Variants in CLNK observed in about 807,000 individuals in gnomAD.
CLNK encodes the protein cytokine-dependent hematopoietic cell linker.
CLNK carries 74 observed loss-of-function variants against 68.6 expected under a neutral mutation model. The ratio of observed to expected loss-of-function variants is 1.08; its 90% CI spans 0.89 to 1.31. The LOEUF (loss-of-function observed/expected upper bound fraction) is 1.31, where lower values mean the gene tolerates loss of function less well. Among genes scored for constraint, CLNK ranks in the 50% most tolerant of loss-of-function variants. The pLI is 0.00. For synonymous variants in CLNK, 198 were observed against 172.2 expected, an observed-to-expected ratio of 1.15 and a Z score of -1.17; for missense variants, 553 against 515.3, an observed-to-expected ratio of 1.07 and a Z score of -0.71.
chr4:10,541,219 A>C (rs1416710277), intron 10 of CLNK, among the ~76,000 whole-genome samples: 2 of 122,452 alleles, frequency 1.6e-5, no homozygotes, highest in Non-Finnish European at 3.4e-5. Context: ...CTCAAAAAAA[A>C]AACAAAAAAA....
intron 3 of CLNK, among the ~76,000 whole-genome samples, chr4:10,595,257 C>A (rs1261656939): frequency 2.0e-5 from 3 of 152,158 alleles, no homozygotes; most frequent in African/African-American, 7.2e-5. Context: ...AATACGAATG[C>A]CTACTTCAAA....
At chr4:10,607,647 C>A (rs61108164) in intron 2 of CLNK, among the ~76,000 whole-genome samples, 1 of 152,302 alleles carries the variant, frequency 6.6e-6, no homozygotes, top group African/African-American at 2.4e-5. Context: ...AGACAAGCTT[C>A]TATTCTGAAG....
chr4:10,665,776 C>T (rs1372341165), intron 2 of CLNK, among the ~76,000 whole-genome samples: 1 of 152,160 alleles, frequency 6.6e-6, no homozygotes, highest in East Asian at 1.9e-4. Flanking sequence ...CAAAGCCATC[C>T]CACGTTGCCC....
chr4:10,507,918 C>A (rs781312751), intron 17 of CLNK, 41 bp downstream of exon 17: 11 of 1,439,056 alleles, frequency 7.6e-6, no homozygotes, highest in Non-Finnish European at 2.9e-6. Flanking sequence ...CCTTAAGATG[C>A]CTATAGAAAC....
chr4:10,650,562 C>G (rs1406700456), intron 2 of CLNK, among the ~76,000 whole-genome samples: 2 of 151,810 alleles, frequency 1.3e-5, no homozygotes, highest in Non-Finnish European at 2.9e-5. Flanking sequence ...CTGTTGTTTG[C>G]CAAAGGGAAT....
At chr4:10,553,493 C>A (rs1001554093) in intron 8 of CLNK, among the ~76,000 whole-genome samples, 1 of 151,734 alleles carries the variant, frequency 6.6e-6, no homozygotes, top group African/African-American at 2.4e-5. Context: ...GCTCTGTCAC[C>A]CAGGCTGGAG....
intron 11 of CLNK, among the ~76,000 whole-genome samples, chr4:10,535,888 A>C (rs1718743061): frequency 3.3e-5 from 5 of 152,222 alleles, no homozygotes. Flanking sequence ...ATATTGTAAA[A>C]ATCATAATAA....
intron 2 of CLNK, among the ~76,000 whole-genome samples, chr4:10,640,999 G>A (rs1245741200): frequency 6.6e-6 from 1 of 152,156 alleles, no homozygotes; most frequent in Non-Finnish European, 1.5e-5. Flanking sequence ...CTCAACCGCT[G>A]AGCATGTCAG....
chr4:10,575,310 C>T (rs955415380), intron 4 of CLNK, among the ~76,000 whole-genome samples: 22 of 152,226 alleles, frequency 1.4e-4, no homozygotes, highest in Admixed American at 3.9e-4. Flanking sequence ...ACCCAGCTCA[C>T]GCTACTTCAG....
At chr4:10,664,188 C>G (rs1186632879) in intron 2 of CLNK, among the ~76,000 whole-genome samples, 2 of 150,810 alleles carry the variant, frequency 1.3e-5, no homozygotes, top group Non-Finnish European at 2.9e-5. Context: ...CATTATTCCA[C>G]AAAACTGGAT....
Position 10,525,884 on chromosome 4 carries a change from A to G in CLNK, c.688T>C (p.Leu230=). ...NQRKPESTHL[L]ENQNTQEIPL... ...ATCTCTTGAGTATTTTGGTTTTCTA[A>G]CAGATGAGTTGATTCAGGCTTCCTC... Residue 230 remains leucine (L), a synonymous_variant, in exon 14 of 19, where the codon TTA becomes CTA. Coordinates refer to ENST00000226951, the MANE Select transcript of CLNK (RefSeq NM_052964.4). The G allele has an allele frequency of 6.3e-7, 1 of 1,583,322 alleles. No individual in the cohort carries two copies. The highest frequency in any genetic ancestry group is 2.3e-5 in the East Asian group (1 of 44,138).
Position 10,537,637 on chromosome 4 carries a change from C to CTT in CLNK, c.602+2856_602+2857insAA, listed in dbSNP as rs1553848138. Among the ~76,000 whole-genome samples the CTT allele has an allele frequency of 6.1e-3, 466 of 75,900 alleles. 4 individuals carry two copies. Among genetic ancestry groups the CTT allele is most frequent in the East Asian group, 0.017 (45 of 2,668 alleles). The allele number at this position is 75,900 out of a possible 152,430, so 49.8% of individuals were successfully genotyped here. A position where few individuals can be genotyped will look rare whatever the true frequency, so the allele number is the denominator to read the frequency against. On this transcript the variant is annotated intron_variant, in intron 11 of 18. Coordinates refer to ENST00000226951, the MANE Select transcript of CLNK (RefSeq NM_052964.4). ...TCTCTCTCTCTTTCTTTCTTTCTTTCTCTTTCTTTCTTTCTTTCTTTCTTT... is the reference window on the plus strand; with the variant it reads ...TCTCTCTCTCTTTCTTTCTTTCTTTCTTTCTTTCTTTCTTTCTTTCTTTCTTT...
intron 1 of CLNK, among the ~76,000 whole-genome samples, chr4:10,678,979 C>T (rs4680652): frequency 6.6e-6 from 1 of 152,238 alleles, no homozygotes; most frequent in Admixed American, 6.5e-5. Flanking sequence ...CATCAAGCTA[C>T]CAATGACTTT....
At chr4:10,711,132 G>T in the CLNK span, among the ~76,000 whole-genome samples, 12 of 152,176 alleles carry the variant, frequency 7.9e-5, no homozygotes, top group African/African-American at 2.9e-4. Flanking sequence ...CGTGTAAGCA[G>T]CATACTCCTC....
At chr4:10,508,926 G>A (rs1201991168) in intron 16 of CLNK, among the ~76,000 whole-genome samples, 1 of 152,044 alleles carries the variant, frequency 6.6e-6, no homozygotes, top group South Asian at 2.1e-4. Context: ...GGCCAACATG[G>A]TGAAACCCCG....
In CLNK at chr4:10,490,391, G is replaced by T; in HGVS notation, c.*76C>A. 6.7e-7 allele frequency: 1 copy of T among 1,501,764 alleles called. No individual in the cohort carries two copies. The allele number at this position is 1,501,764 out of a possible 1,614,324, so 93.0% of individuals were successfully genotyped here. The stretch of plus-strand genomic sequence containing the variant: ...AAAAAAGTTGTCCCTTGAAGGCACA[G>T]AAAATAAACTTTTGAAATCAATGAA... On this transcript the variant is annotated 3_prime_UTR_variant, in exon 19 of 19. Transcript: ENST00000226951.
chr4:10,496,013 TC>T (rs1312103933), intron 18 of CLNK, among the ~76,000 whole-genome samples: 1 of 152,192 alleles, frequency 6.6e-6, no homozygotes, highest in African/African-American at 2.4e-5. Context: ...ACTCCTGGCC[TC>T]CAGCACTGTG....
chr4:10,524,981 A>T (rs915397783), intron 14 of CLNK, among the ~76,000 whole-genome samples: 2 of 152,176 alleles, frequency 1.3e-5, no homozygotes, highest in African/African-American at 4.8e-5. Flanking sequence ...TGAGGGCCTT[A>T]CAGCACTAAT....
chr4:10,532,937 A>G (rs536131802), intron 11 of CLNK, among the ~76,000 whole-genome samples: 1 of 152,266 alleles, frequency 6.6e-6, no homozygotes, highest in South Asian at 2.1e-4. Context: ...CATGAGTGTT[A>G]ATGTGAGAAT....
Sources: gnomAD v4.1 joint callset for allele counts (sites outside exome capture counted in the v4.1 genomes callset) on GRCh38, gnomAD v4.1.1 for gene constraint, MANE v1.5 for transcripts, NCBI Gene and HGNC (gene_info 2026-07-23, HGNC 2026-07-21) for gene names.